The following CREB5 variants were observed in gnomAD, a reference collection of about 807,000 sequenced individuals.
CREB5 encodes the protein cyclic AMP-responsive element-binding protein 5.
CREB5 carries 19 observed loss-of-function variants against 57.1 expected under a neutral mutation model. That is an observed-to-expected ratio of 0.33 (90% CI 0.23 to 0.49). CREB5 has a LOEUF of 0.49. Ranked by LOEUF, CREB5 falls within the 20% of genes least tolerant of loss-of-function variation. The probability of loss-of-function intolerance (pLI) is 0.99; values close to 1 mark genes in which losing one functional copy is unlikely to be tolerated. For synonymous variants in CREB5, 238 were observed against 238.3 expected (o/e 1.00, Z 0.01); for missense variants, 579 against 671.6 (o/e 0.86, Z 1.52).
intron 1 of CREB5, among the ~76,000 whole-genome samples, chr7:28,367,291 G>T (rs1786606944): frequency 1.3e-5 from 2 of 152,150 alleles, no homozygotes; most frequent in Admixed American, 6.5e-5. Context: ...CTCAAGCTCA[G>T]TTGCCCAGTG....
At position 28,454,307 on chromosome 7, in the gene CREB5, G is replaced by C. The variant is rs1443752243; in HGVS notation, c.4-33868G>C. On this transcript the variant is annotated intron_variant, in intron 1 of 10. Coordinates refer to ENST00000357727, the MANE Select transcript of CREB5 (RefSeq NM_182898.4). ...ATAACTTCTGTTGGAAGTCATTCCTGTCCAACATGCCCTCCTCTTCCAAAG... is the reference window on the plus strand; with the variant it reads ...ATAACTTCTGTTGGAAGTCATTCCTCTCCAACATGCCCTCCTCTTCCAAAG... Among the ~76,000 whole-genome samples, 3 of 152,210 alleles carry C rather than the reference G, an allele frequency of 2.0e-5. No homozygotes were observed. The East Asian group carries it at 5.8e-4, about 29-fold the overall frequency.
At chr7:28,486,960 A>G (rs534546192) in intron 1 of CREB5, among the ~76,000 whole-genome samples, 2 of 152,044 alleles carry the variant, frequency 1.3e-5, no homozygotes, top group East Asian at 3.9e-4. Context: ...AAAACAAAAC[A>G]AAACAAACAA....
intron 1 of CREB5, among the ~76,000 whole-genome samples, chr7:28,378,439 TA>T (rs1013941055): frequency 3.0e-4 from 46 of 151,518 alleles, no homozygotes; most frequent in African/African-American, 9.4e-4. Flanking sequence ...ACTTAAAGTA[TA>T]AAAAAAAACT....
intron 7 of CREB5, among the ~76,000 whole-genome samples, chr7:28,758,631 G>A (rs1004053310): frequency 2.0e-5 from 3 of 152,200 alleles, no homozygotes. Context: ...ACTTAGAGCA[G>A]TAAAGATTGA....
chr7:28,303,736 A>G (rs1044951946), intron 1 of CREB5, among the ~76,000 whole-genome samples: 16 of 152,222 alleles, frequency 1.1e-4, no homozygotes, highest in African/African-American at 3.6e-4. Flanking sequence ...ATACAATCCA[A>G]AATATACACA....
At chr7:28,705,303 C>T (rs957183575) in intron 5 of CREB5, among the ~76,000 whole-genome samples, 2 of 146,062 alleles carry the variant, frequency 1.4e-5, no homozygotes, top group Non-Finnish European at 3.0e-5. Flanking sequence ...GCAGAGGTTG[C>T]AGTGAGCCGA....
chr7:28,412,981 C>A, intron 1 of CREB5, 64 bp downstream of exon 1: 2 of 1,315,696 alleles, frequency 1.5e-6, no homozygotes, highest in South Asian at 2.1e-5. Flanking sequence ...TTAAATAGAA[C>A]CAATGTTGTA....
intron 4 of CREB5, among the ~76,000 whole-genome samples, chr7:28,531,107 A>G (rs1248974954): frequency 1.6e-4 from 25 of 152,048 alleles, no homozygotes. Context: ...GGAAAGCCCC[A>G]TGGTCAATCC....
At chr7:28,574,273 A>G (rs1795820946) in intron 5 of CREB5, among the ~76,000 whole-genome samples, 2 of 152,228 alleles carry the variant, frequency 1.3e-5, no homozygotes, top group South Asian at 4.1e-4. Context: ...AATATGTGGC[A>G]GAATCCAAAC....
intron 5 of CREB5, among the ~76,000 whole-genome samples, chr7:28,697,469 C>T (rs1801635612): frequency 6.6e-6 from 1 of 152,136 alleles, no homozygotes; most frequent in Non-Finnish European, 1.5e-5. Context: ...GAAAACAGAT[C>T]CCTGACTGGT....
At chr7:28,467,320 T>G (rs541373420) in intron 1 of CREB5, among the ~76,000 whole-genome samples, 14 of 152,336 alleles carry the variant, frequency 9.2e-5, no homozygotes, top group Admixed American at 4.6e-4. Flanking sequence ...CATGCCATTA[T>G]GCAGAATTAC....
chr7:28,682,706 C>G (rs937795431), intron 5 of CREB5, among the ~76,000 whole-genome samples: 1 of 150,890 alleles, frequency 6.6e-6, no homozygotes, highest in Non-Finnish European at 1.5e-5. Flanking sequence ...AACCCCAGCT[C>G]TCTCTAGGAA....
At chr7:28,447,068 A>G (rs1244316137) in intron 1 of CREB5, among the ~76,000 whole-genome samples, 9 of 152,162 alleles carry the variant, frequency 5.9e-5, no homozygotes, top group African/African-American at 2.2e-4. Flanking sequence ...CTCACCTGGA[A>G]AGTGGAGATC....
intron 5 of CREB5, among the ~76,000 whole-genome samples, chr7:28,717,696 G>A (rs971835426): frequency 6.6e-6 from 1 of 152,192 alleles, no homozygotes; most frequent in Non-Finnish European, 1.5e-5. Flanking sequence ...TTAAGAGAAT[G>A]CATTAATTCT....
chr7:28,641,553 C>T (rs756188231), intron 5 of CREB5, among the ~76,000 whole-genome samples: 2 of 152,120 alleles, frequency 1.3e-5, no homozygotes, highest in African/African-American at 2.4e-5. Flanking sequence ...TACCCTCCTT[C>T]GGGCATGGCA....
chr7:28,324,695 C>T (rs1183623687), intron 1 of CREB5, among the ~76,000 whole-genome samples: 1 of 152,316 alleles, frequency 6.6e-6, no homozygotes, highest in East Asian at 1.9e-4. Context: ...ACCAATGACT[C>T]CCAAATCCAT....
intron 5 of CREB5, among the ~76,000 whole-genome samples, chr7:28,610,713 G>A (rs1797349792): frequency 6.6e-6 from 1 of 152,158 alleles, no homozygotes; most frequent in African/African-American, 2.4e-5. Context: ...TTCTTGGAAT[G>A]GAGGATTTTC....
intron 1 of CREB5, among the ~76,000 whole-genome samples, chr7:28,396,767 T>C (rs937928554): frequency 1.3e-5 from 2 of 152,206 alleles, no homozygotes; most frequent in African/African-American, 4.8e-5. Context: ...TCTGGCAAGT[T>C]CAGAAATACC....
intron 5 of CREB5, among the ~76,000 whole-genome samples, chr7:28,644,188 AGGAAG>A (rs200163074): frequency 0.035 from 5,315 of 152,110 alleles, 150 homozygotes; most frequent in Middle Eastern, 0.058. Flanking sequence ...AAAAAGGGAA[AGGAAG>A]GGAAGGGAAG....
Sources: gnomAD v4.1 joint callset for allele counts (sites outside exome capture counted in the v4.1 genomes callset) on GRCh38, gnomAD v4.1.1 for gene constraint, MANE v1.5 for transcripts, NCBI Gene and HGNC (gene_info 2026-07-23, HGNC 2026-07-21) for gene names.